The following SUPT3H variants were observed in gnomAD, a reference collection of about 807,000 sequenced individuals.
The protein encoded by SUPT3H is SPT3 homolog, SAGA and STAGA complex component, also known as transcription initiation protein SPT3 homolog.
In SUPT3H, 44 loss-of-function variants were observed where a neutral mutation model predicts 44.3. The observed-to-expected ratio is 0.99, with a 90% CI of 0.78 to 1.28. The LOEUF is 1.28. SUPT3H is among the 50% of genes most tolerant of loss of function. SUPT3H has a pLI of 0.00. For missense variants in SUPT3H, 380 were observed against 387.1 expected (o/e 0.98, Z 0.15); for synonymous variants, 124 against 125.6 (o/e 0.99, Z 0.09).
At chr6:45,174,077 C>T (rs924219728) in intron 2 of SUPT3H, among the ~76,000 whole-genome samples, 2 of 152,214 alleles carry the variant, frequency 1.3e-5, no homozygotes, top group Non-Finnish European at 2.9e-5. Flanking sequence ...CTGACTCTAA[C>T]CTTTCAATCT....
intron 3 of SUPT3H, among the ~76,000 whole-genome samples, chr6:45,071,519 C>A (rs1252719709): frequency 6.6e-6 from 1 of 152,088 alleles, no homozygotes; most frequent in African/African-American, 2.4e-5. Context: ...TTGTCTTAGC[C>A]TGATACCCAA....
intron 10 of SUPT3H, among the ~76,000 whole-genome samples, chr6:44,886,459 T>A (rs974959374): frequency 2.0e-5 from 3 of 152,198 alleles, no homozygotes; most frequent in African/African-American, 7.2e-5. Flanking sequence ...TGGGGGCTAA[T>A]ATTCAACATT....
intron 3 of SUPT3H, among the ~76,000 whole-genome samples, chr6:45,040,229 G>C (rs958031004): frequency 3.3e-5 from 5 of 152,212 alleles, no homozygotes; most frequent in Non-Finnish European, 7.4e-5. Flanking sequence ...CTCTATTTAC[G>C]AAAATAAGCA....
chr6:44,843,925 A>ATG (rs1771419124), intron 10 of SUPT3H, among the ~76,000 whole-genome samples: 1 of 121,358 alleles, frequency 8.2e-6, no homozygotes, highest in Non-Finnish European at 1.8e-5. Flanking sequence ...ACACACACAC[A>ATG]CGCACACACA....
intron 10 of SUPT3H, among the ~76,000 whole-genome samples, chr6:44,868,766 CCCAAA>C (rs1775901802): frequency 6.6e-6 from 1 of 152,168 alleles, no homozygotes; most frequent in African/African-American, 2.4e-5. Flanking sequence ...TGATGTTTGT[CCCAAA>C]GACAAACATC....
intron 6 of SUPT3H, among the ~76,000 whole-genome samples, chr6:45,001,138 T>C (rs928335207): frequency 6.6e-6 from 1 of 152,002 alleles, no homozygotes; most frequent in Non-Finnish European, 1.5e-5. Context: ...ATGAAAAAAT[T>C]AGAATGAAAG....
chr6:45,129,775 C>CATCA (rs1008301201), intron 2 of SUPT3H, among the ~76,000 whole-genome samples: 5 of 151,604 alleles, frequency 3.3e-5, no homozygotes, highest in African/African-American at 9.7e-5. Flanking sequence ...TAAAAAAATC[C>CATCA]ATCAATCAAT....
At chr6:45,331,005 G>C (rs1307685908) in intron 2 of SUPT3H, among the ~76,000 whole-genome samples, 1 of 151,894 alleles carries the variant, frequency 6.6e-6, no homozygotes, top group African/African-American at 2.4e-5. Context: ...TTAAGTATGT[G>C]CCCCAATTTT....
chr6:45,026,581 A>C (rs1435513441), intron 3 of SUPT3H, among the ~76,000 whole-genome samples: 1 of 152,118 alleles, frequency 6.6e-6, no homozygotes, highest in Non-Finnish European at 1.5e-5. Context: ...TAATACTATA[A>C]ATTTTATGAC....
Position 44,918,926 on chromosome 6 carries a change from G to A in SUPT3H, c.912+13727C>T, listed in dbSNP as rs1768215892. ...GAAGGAGGGACACTTAGCAGGGAAG[G>A]GCAAAAATGCCTGAAATTGAGCCTG... On this transcript the variant is annotated intron_variant, in intron 10 of 10. Coordinates refer to ENST00000371459, the MANE Select transcript of SUPT3H (RefSeq NM_003599.4). Among the ~76,000 whole-genome samples, 3 of 152,114 alleles carry A rather than the reference G, an allele frequency of 2.0e-5. No individual in the cohort carries two copies. The South Asian group carries it at 6.2e-4, about 32-fold the overall frequency.
chr6:45,306,398 T>C (rs1020526957), intron 2 of SUPT3H, among the ~76,000 whole-genome samples: 1 of 152,066 alleles, frequency 6.6e-6, no homozygotes, highest in Admixed American at 6.6e-5. Context: ...CCACTGAGCA[T>C]CCCTCCAATC....
intron 10 of SUPT3H, among the ~76,000 whole-genome samples, chr6:44,860,526 G>A (rs1251886390): frequency 2.0e-5 from 3 of 152,140 alleles, no homozygotes; most frequent in South Asian, 2.1e-4. Context: ...GTTAATGGCC[G>A]GACTGGGAGT....
chr6:45,035,109 TCTATGTA>T (rs1402002054), intron 3 of SUPT3H, among the ~76,000 whole-genome samples: 3 of 152,354 alleles, frequency 2.0e-5, no homozygotes, highest in African/African-American at 7.2e-5. Flanking sequence ...GTTAAGTATT[TCTATGTA>T]AACATGTTTT....
At chr6:44,837,877 T>C (rs1770209250) in intron 10 of SUPT3H, among the ~76,000 whole-genome samples, 1 of 152,190 alleles carries the variant, frequency 6.6e-6, no homozygotes, top group Admixed American at 6.5e-5. Context: ...CTCAATTGCA[T>C]TTTCAAGGTC....
At chr6:45,320,128 CAAT>C (rs1785255392) in intron 2 of SUPT3H, among the ~76,000 whole-genome samples, 1 of 151,832 alleles carries the variant, frequency 6.6e-6, no homozygotes, top group Admixed American at 6.6e-5. Context: ...TTTCACGTAA[CAAT>C]ATTATTAAAA....
At chr6:45,079,613 T>C (rs970381008) in intron 3 of SUPT3H, among the ~76,000 whole-genome samples, 2 of 151,860 alleles carry the variant, frequency 1.3e-5, no homozygotes, top group Non-Finnish European at 2.9e-5. Flanking sequence ...CACAGAACAG[T>C]GGAACAGAAA....
At chr6:44,950,574 T>C (rs1455350266) in intron 9 of SUPT3H, among the ~76,000 whole-genome samples, 1 of 152,056 alleles carries the variant, frequency 6.6e-6, no homozygotes, top group East Asian at 1.9e-4. Context: ...ATCATGCCTG[T>C]GAATAGCCAC....
intron 2 of SUPT3H, among the ~76,000 whole-genome samples, chr6:45,326,242 T>C (rs1584923327): frequency 6.6e-6 from 1 of 151,942 alleles, no homozygotes; most frequent in South Asian, 2.1e-4. Flanking sequence ...TAAGCTTATT[T>C]GAAAAGAAGA....
intron 2 of SUPT3H, among the ~76,000 whole-genome samples, chr6:45,343,689 C>A (rs747972018): frequency 3.9e-5 from 6 of 152,144 alleles, no homozygotes; most frequent in Non-Finnish European, 7.4e-5. Flanking sequence ...TGATGTCTCA[C>A]CACAAGCTTG....
Sources: gnomAD v4.1 joint callset for allele counts (sites outside exome capture counted in the v4.1 genomes callset) on GRCh38, gnomAD v4.1.1 for gene constraint, MANE v1.5 for transcripts, NCBI Gene and HGNC (gene_info 2026-07-23, HGNC 2026-07-21) for gene names.